The following CNTNAP2 variants were observed in gnomAD, a reference collection of about 807,000 sequenced individuals.
CNTNAP2 encodes the protein contactin-associated protein-like 2.
CNTNAP2 carries 98 observed loss-of-function variants against 155.2 expected under a neutral mutation model. The ratio of observed to expected loss-of-function variants is 0.63; its 90% CI spans 0.54 to 0.75. The LOEUF is 0.75. CNTNAP2 is among the 30% of genes least tolerant of loss of function. The pLI is 0.00. For missense variants in CNTNAP2, 1,727 were observed against 1,688.1 expected (o/e 1.02, Z -0.40); for synonymous variants, 651 against 631.2 (o/e 1.03, Z -0.47).
chr7:147,849,484 TC>T (rs562358310), intron 13 of CNTNAP2, among the ~76,000 whole-genome samples: 72 of 152,338 alleles, frequency 4.7e-4, no homozygotes, highest in African/African-American at 1.6e-3. Flanking sequence ...ATCTTATCTG[TC>T]CCCTTCTGAA....
chr7:147,258,920 CAT>C (rs1198035638), intron 8 of CNTNAP2, among the ~76,000 whole-genome samples: 1 of 152,130 alleles, frequency 6.6e-6, no homozygotes, highest in Non-Finnish European at 1.5e-5. Context: ...CTGGATGAGT[CAT>C]ATGTTTCTTT....
intron 2 of CNTNAP2, among the ~76,000 whole-genome samples, chr7:146,810,758 T>C (rs1268208013): frequency 2.0e-5 from 3 of 152,148 alleles, no homozygotes; most frequent in African/African-American, 7.2e-5. Flanking sequence ...TTAAGAGTAA[T>C]GTTAGCTGCA....
intron 1 of CNTNAP2, among the ~76,000 whole-genome samples, chr7:146,666,758 A>G (rs553777225): frequency 2.0e-5 from 3 of 152,172 alleles, no homozygotes; most frequent in Non-Finnish European, 4.4e-5. Flanking sequence ...AGTGGTGTTG[A>G]GCATTTTTCA....
chr7:146,548,532 T>A (rs192665948), intron 1 of CNTNAP2, among the ~76,000 whole-genome samples: 7 of 152,174 alleles, frequency 4.6e-5, no homozygotes, highest in Admixed American at 4.6e-4. Context: ...ATCACCATCC[T>A]GAGAGAAATG....
At chr7:147,788,992 C>T (rs771293496) in intron 13 of CNTNAP2, among the ~76,000 whole-genome samples, 8 of 146,510 alleles carry the variant, frequency 5.5e-5, no homozygotes, top group Non-Finnish European at 8.9e-5. Flanking sequence ...GCAACCTCTG[C>T]CTCCTGGGCT....
At chr7:147,053,502 C>T (rs1799508127) in intron 4 of CNTNAP2, among the ~76,000 whole-genome samples, 1 of 151,968 alleles carries the variant, frequency 6.6e-6, no homozygotes, top group Non-Finnish European at 1.5e-5. Flanking sequence ...TGATATAGAG[C>T]TAGAGTCACA....
intron 1 of CNTNAP2, among the ~76,000 whole-genome samples, chr7:146,728,683 GA>G (rs1801474828): frequency 1.3e-5 from 2 of 150,374 alleles, no homozygotes; most frequent in Admixed American, 6.6e-5. Flanking sequence ...TTAACTAGTA[GA>G]AAAAAAGCAC....
At chr7:147,351,380 C>T (rs553669829) in intron 9 of CNTNAP2, among the ~76,000 whole-genome samples, 11 of 151,218 alleles carry the variant, frequency 7.3e-5, no homozygotes, top group Admixed American at 2.6e-4. Context: ...CCTAGAACAA[C>T]GCATAGTTTA....
Position 148,420,926 on chromosome 7 carries a change from T to C in CNTNAP2, c.*5310T>C, listed in dbSNP as rs559514497. 2.0e-5 allele frequency: 3 copies of C among 152,774 alleles called. No homozygotes were observed. In the South Asian group the frequency reaches 6.2e-4, roughly 32 times the overall value. 9.5% of individuals were successfully genotyped at this position (152,774 alleles called of 1,614,324 possible). ...GCCTAATATTCTTTGTGAATGTCTT[T>C]CATTTAACTAAAATTATATTAGAAA... On this transcript the variant is annotated 3_prime_UTR_variant, in exon 24 of 24. Coordinates refer to ENST00000361727, the MANE Select transcript of CNTNAP2 (RefSeq NM_014141.6).
At chr7:146,777,333 C>T (rs1051588671) in intron 2 of CNTNAP2, among the ~76,000 whole-genome samples, 8 of 152,136 alleles carry the variant, frequency 5.3e-5, no homozygotes, top group African/African-American at 1.9e-4. Context: ...ACTCGCCCTC[C>T]CCAACGCTCT....
intron 20 of CNTNAP2, among the ~76,000 whole-genome samples, chr7:148,245,267 C>T (rs1796238903): frequency 6.6e-6 from 1 of 152,204 alleles, no homozygotes; most frequent in Non-Finnish European, 1.5e-5. Flanking sequence ...GTCCTCTAGA[C>T]ACAGTAACTT....
intron 20 of CNTNAP2, among the ~76,000 whole-genome samples, chr7:148,235,313 A>AGT (rs1258732159): frequency 3.9e-5 from 6 of 152,246 alleles, no homozygotes; most frequent in Admixed American, 1.3e-4. Flanking sequence ...AGCAACATGT[A>AGT]GTGTGCTAGG....
Position 146,683,239 on chromosome 7 carries a change from G to A in CNTNAP2, c.98-91032G>A, listed in dbSNP as rs145787876. Among the ~76,000 whole-genome samples the A allele has an allele frequency of 1.2e-4, 19 of 152,140 alleles. No individual in the cohort carries two copies. The East Asian group carries it at 3.7e-3, about 30-fold the overall frequency. On this transcript the variant is annotated intron_variant, in intron 1 of 23. Coordinates refer to ENST00000361727, the MANE Select transcript of CNTNAP2 (RefSeq NM_014141.6). ...ATACAGATGGGGTTACACCATGTTG[G>A]CCAGGCTGGTCTCAACCTCCTGACC...
chr7:146,533,553 TAC>T (rs1330937041), intron 1 of CNTNAP2, among the ~76,000 whole-genome samples: 35 of 152,200 alleles, frequency 2.3e-4, no homozygotes, highest in African/African-American at 8.0e-4. Context: ...TATTGCAAAG[TAC>T]ACAGTCTTAT....
At chr7:146,586,767 G>GT (rs1181653877) in intron 1 of CNTNAP2, among the ~76,000 whole-genome samples, 2 of 152,180 alleles carry the variant, frequency 1.3e-5, no homozygotes, top group Non-Finnish European at 2.9e-5. Context: ...ATGAGGAAGG[G>GT]TTTTTCCTCT....
At chr7:147,301,972 C>G (rs1173274685) in intron 9 of CNTNAP2, among the ~76,000 whole-genome samples, 1 of 152,088 alleles carries the variant, frequency 6.6e-6, no homozygotes, top group Non-Finnish European at 1.5e-5. Context: ...TAGGGCTCTG[C>G]TTCTTTAATC....
intron 1 of CNTNAP2, among the ~76,000 whole-genome samples, chr7:146,174,365 G>GT (rs1180077425): frequency 2.0e-5 from 3 of 151,962 alleles, no homozygotes; most frequent in African/African-American, 7.2e-5. Context: ...TATAGGCCAG[G>GT]AGCAGTGGCC....
intron 19 of CNTNAP2, among the ~76,000 whole-genome samples, chr7:148,222,495 T>TATGAATGGATCATTCCATGAATTG (rs1795765350): frequency 3.8e-5 from 3 of 78,316 alleles, no homozygotes; most frequent in Non-Finnish European, 8.8e-5. Flanking sequence ...TCCATGAATC[T>TATGAATGGATCATTCCATGAATTG]ATGAATGGAT....
intron 1 of CNTNAP2, among the ~76,000 whole-genome samples, chr7:146,462,910 C>T (rs1796659112): frequency 6.6e-6 from 1 of 152,058 alleles, no homozygotes; most frequent in Admixed American, 6.6e-5. Context: ...TTAAATTACC[C>T]AACATCAGGC....
Sources: gnomAD v4.1 joint callset for allele counts (sites outside exome capture counted in the v4.1 genomes callset) on GRCh38, gnomAD v4.1.1 for gene constraint, MANE v1.5 for transcripts, NCBI Gene and HGNC (gene_info 2026-07-23, HGNC 2026-07-21) for gene names.